GPR141: variants seen among roughly 807,000 people sequenced by gnomAD.
GPR141 encodes the protein probable G protein-coupled receptor 141.
GPR141 carries 6 observed loss-of-function variants against 6.8 expected under a neutral mutation model. That is an observed-to-expected ratio of 0.88 (90% CI 0.48 to 1.74). The LOEUF (loss-of-function observed/expected upper bound fraction) is 1.74, where lower values mean the gene tolerates loss of function less well. Ranked by LOEUF, GPR141 falls within the 40% of genes most tolerant of loss-of-function variation. The probability of loss-of-function intolerance (pLI) is 0.01; values close to 1 mark genes in which losing one functional copy is unlikely to be tolerated. For synonymous variants in GPR141, 140 were observed against 142.3 expected (o/e 0.98, Z 0.11); for missense variants, 372 against 372.9 (o/e 1.00, Z 0.02).
At chr7:37,688,632 C>T (rs995932493) in intron 2 of GPR141, among the ~76,000 whole-genome samples, 5 of 152,162 alleles carry the variant, frequency 3.3e-5, no homozygotes, top group Non-Finnish European at 7.3e-5. Flanking sequence ...TCCTCCTTGC[C>T]TTCACTTCCA....
At chr7:37,693,418 G>A (rs1809873022) in intron 2 of GPR141, among the ~76,000 whole-genome samples, 1 of 152,142 alleles carries the variant, frequency 6.6e-6, no homozygotes, top group Admixed American at 6.5e-5. Flanking sequence ...TTGTAGTATA[G>A]TTTGAAGTCA....
chr7:37,735,475 A>G (rs1812184811), intron 2 of GPR141, among the ~76,000 whole-genome samples: 1 of 152,226 alleles, frequency 6.6e-6, no homozygotes, highest in African/African-American at 2.4e-5. Context: ...GGTCAGAGAT[A>G]AGACTATTGA....
intron 2 of GPR141, among the ~76,000 whole-genome samples, chr7:37,710,210 T>G (rs1412781095): frequency 6.6e-6 from 1 of 152,218 alleles, no homozygotes; most frequent in African/African-American, 2.4e-5. Context: ...GTATTTTTTT[T>G]CTGCCCTTAC....
chr7:37,738,338 C>G (rs1487227226), intron 2 of GPR141, among the ~76,000 whole-genome samples: 1 of 152,216 alleles, frequency 6.6e-6, no homozygotes, highest in Non-Finnish European at 1.5e-5. Context: ...TTACTTTCAT[C>G]AATTAGGAGT....
intron 2 of GPR141, among the ~76,000 whole-genome samples, chr7:37,703,708 G>A (rs1163588258): frequency 6.6e-6 from 1 of 152,110 alleles, no homozygotes; most frequent in African/African-American, 2.4e-5. Flanking sequence ...CTACTTCATA[G>A]GATTGTTGTA....
rs776962191 is a variant in GPR141, at chr7:37,740,942, T to C, written c.549T>C (p.Tyr183=). The part of the protein sequence containing the change: ...LAYTYVKIIN[Y]MIVIFVIAVA... ...ACACATATGTGAAAATCATCAACTATATGATAGTCATTTTTGTCATAGCCG... is the reference window on the plus strand; with the variant it reads ...ACACATATGTGAAAATCATCAACTACATGATAGTCATTTTTGTCATAGCCG... Residue 183 remains tyrosine (Y), a synonymous_variant, in exon 3 of 3, where the codon TAT becomes TAC. Coordinates refer to ENST00000334425, the MANE Select transcript of GPR141 (RefSeq NM_001381946.1). 8.1e-6 allele frequency: 13 copies of C among 1,613,972 alleles called. No individual in the cohort carries two copies. The Admixed American group carries it at 1.7e-4, about 21-fold the overall frequency.
intron 2 of GPR141, among the ~76,000 whole-genome samples, chr7:37,716,019 A>C (rs1811029899): frequency 6.6e-6 from 1 of 152,198 alleles, no homozygotes; most frequent in South Asian, 2.1e-4. Context: ...CAAGTCAAGA[A>C]TCCCATCCTT....
chr7:37,714,833 T>A (rs1810971146), intron 2 of GPR141, among the ~76,000 whole-genome samples: 1 of 152,226 alleles, frequency 6.6e-6, no homozygotes, highest in Non-Finnish European at 1.5e-5. Flanking sequence ...TAAGCTATTA[T>A]GTTCTTTGCA....
intron 2 of GPR141, among the ~76,000 whole-genome samples, chr7:37,716,618 G>A (rs898468959): frequency 3.3e-5 from 5 of 152,182 alleles, no homozygotes; most frequent in African/African-American, 9.7e-5. Context: ...TTTCCAATAA[G>A]TGTGGTCAAA....
chr7:37,740,194 A>G (rs1184329867), intron 2 of GPR141, among the ~76,000 whole-genome samples, 186 bp from the exon 3 acceptor site: 2 of 152,240 alleles, frequency 1.3e-5, no homozygotes, highest in South Asian at 2.1e-4. Flanking sequence ...GTAAGAATCA[A>G]TGGCTTACTG....
chr7:37,714,193 C>A (rs1373449475), intron 2 of GPR141, among the ~76,000 whole-genome samples: 1 of 152,094 alleles, frequency 6.6e-6, no homozygotes, highest in Non-Finnish European at 1.5e-5. Flanking sequence ...TTATTATTAT[C>A]CTCTGTAAAG....
At chr7:37,713,871 A>G (rs1047895473) in intron 2 of GPR141, among the ~76,000 whole-genome samples, 4 of 152,188 alleles carry the variant, frequency 2.6e-5, no homozygotes, top group African/African-American at 9.7e-5. Flanking sequence ...TTTAAACCTT[A>G]CAACAATACT....
Position 37,740,735 on chromosome 7 carries a change from C to T in GPR141, c.342C>T (p.Tyr114=). 2 of 1,613,860 alleles carry T rather than the reference C, an allele frequency of 1.2e-6. No individual in the cohort carries two copies. The highest frequency in any genetic ancestry group is 2.2e-5 in the South Asian group (2 of 91,078). The part of the protein sequence containing the change: ...LFYVVILVTR[Y]LIFFKCKDKV... ...ATGTGGTGATCCTGGTCACCAGATA[C>T]CTCATCTTCTTCAAGTGCAAAGACA... The change falls in exon 3 of 3, where the codon TAC becomes TAT. Residue 114 remains tyrosine (Y), a synonymous_variant. Coordinates refer to ENST00000334425, the MANE Select transcript of GPR141 (RefSeq NM_001381946.1).
At position 37,741,307 on chromosome 7, in the gene GPR141, G is replaced by A. The variant is rs775296772; in HGVS notation, c.914G>A (p.Arg305His). 2.9e-5 allele frequency: 45 copies of A among 1,575,922 alleles called. No individual in the cohort carries two copies. Among genetic ancestry groups the A allele is most frequent in the East Asian group, 1.6e-4 (7 of 44,396 alleles). ...GGCTTATGGAATTGTGTTTTGTGCCGTTAGCCACAAACTACAGTATTCATA... is the reference window on the plus strand; with the variant it reads ...GGCTTATGGAATTGTGTTTTGTGCCATTAGCCACAAACTACAGTATTCATA... ...IIGLWNCVLC[R>H] Residue 305 changes from arginine (R) to histidine (H), a missense_variant, in exon 3 of 3, where the codon CGT (arginine) becomes CAT (histidine). Arg to His is a conservative substitution (Grantham distance 29, BLOSUM62 0). Transcript: ENST00000334425.
At chr7:37,733,134 C>A (rs1812056510) in intron 2 of GPR141, among the ~76,000 whole-genome samples, 1 of 152,106 alleles carries the variant, frequency 6.6e-6, no homozygotes, top group East Asian at 1.9e-4. Context: ...ATGAATAGGT[C>A]TGGGCGGGGC....
intron 2 of GPR141, among the ~76,000 whole-genome samples, chr7:37,714,533 A>G (rs1810958575): frequency 2.0e-5 from 3 of 152,320 alleles, no homozygotes. Flanking sequence ...GGATTTTTGA[A>G]TAACTTGGGA....
At chr7:37,730,458 T>A (rs1271822640) in intron 2 of GPR141, among the ~76,000 whole-genome samples, 1 of 152,164 alleles carries the variant, frequency 6.6e-6, no homozygotes, top group Non-Finnish European at 1.5e-5. Flanking sequence ...TATTAAGAAA[T>A]CTAAACATAT....
At position 37,718,733 on chromosome 7, in the gene GPR141, G is replaced by T. The variant is rs565533107; in HGVS notation, c.-14-21647G>T. 1.6e-4 allele frequency among the ~76,000 whole-genome samples: 24 copies of T among 152,342 alleles called. 1 individual carries two copies. In the South Asian group the frequency reaches 4.6e-3, roughly 29 times the overall value. ...ATTTGCCCTGAGCATAAATGAGAGA[G>T]AAACTGATACTAGAGCCCTGTCTAC... On this transcript the variant is annotated intron_variant, in intron 2 of 2. Coordinates refer to ENST00000334425, the MANE Select transcript of GPR141 (RefSeq NM_001381946.1).
intron 2 of GPR141, among the ~76,000 whole-genome samples, chr7:37,725,277 AAG>A (rs1811570289): frequency 6.6e-6 from 1 of 152,178 alleles, no homozygotes; most frequent in South Asian, 2.1e-4. Flanking sequence ...TTGAGTGGTC[AAG>A]AATCAAGAAG....
Sources: allele counts gnomAD v4.1 joint callset (sites outside exome capture counted in the v4.1 genomes callset), GRCh38; gene constraint gnomAD v4.1.1; transcripts MANE v1.5; gene names NCBI Gene and HGNC (gene_info 2026-07-23, HGNC 2026-07-21).